The following LYPD3 variants were observed in gnomAD, a reference collection of about 807,000 sequenced individuals.
LYPD3 encodes ly6/PLAUR domain-containing protein 3.
In LYPD3, 22 loss-of-function variants were observed where a neutral mutation model predicts 21.7. The ratio of observed to expected loss-of-function variants is 1.01; its 90% CI spans 0.72 to 1.45. The LOEUF is 1.45. Ranked by LOEUF, LYPD3 falls within the 40% of genes most tolerant of loss-of-function variation. LYPD3 has a pLI of 0.00. For missense variants in LYPD3, 471 were observed against 466.9 expected, an observed-to-expected ratio of 1.01 and a Z score of -0.08; for synonymous variants, 179 against 203.0, an observed-to-expected ratio of 0.88 and a Z score of 1.00.
chr19:43,464,334 C>T lies in LYPD3; in HGVS notation c.202G>A (p.Val68Met), dbSNP rs775559474. 27 of 1,608,584 alleles carry T rather than the reference C, an allele frequency of 1.7e-5. No individual in the cohort carries two copies. Among genetic ancestry groups the T allele is most frequent in the Non-Finnish European group, 2.1e-5 (25 of 1,178,000 alleles). The change falls in exon 2 of 5, where the codon GTG (valine) becomes ATG (methionine). Residue 68 changes from valine (V) to methionine (M), a missense_variant. Val to Met is a conservative substitution (Grantham distance 21, BLOSUM62 1). Coordinates refer to ENST00000244333, the MANE Select transcript of LYPD3 (RefSeq NM_014400.3). ...VDVCTEAVGA[V>M]ETIHGQFSLA... ...GGGGGTCCCCACTCACTGGTCTCCA[C>T]CGCCCCCACGGCCTCGGTGCAGACG...
At chr19:43,463,953 A>C (rs373137375) in intron 2 of LYPD3, 184 bp from the exon 3 acceptor site, 2 of 680,860 alleles carry the variant, frequency 2.9e-6, no homozygotes, top group Non-Finnish European at 5.0e-6. Flanking sequence ...CGACCGAAGC[A>C]GGGAGGAGCG....
At chr19:43,465,439 C>T in intron 1 of LYPD3, 54 bp downstream of exon 1, 1 of 1,585,536 alleles carries the variant, frequency 6.3e-7, no homozygotes, top group Middle Eastern at 1.7e-4. Context: ...AGAGGAGCCT[C>T]CTCCCTAAGA....
chr19:43,464,092 C>G (rs986479769), intron 2 of LYPD3: 5 of 657,966 alleles, frequency 7.6e-6, no homozygotes, highest in African/African-American at 7.3e-5. Context: ...GTTCCAAACC[C>G]GAGCTCTCCC....
At position 43,461,344 on chromosome 19, in the gene LYPD3, G is replaced by C; in HGVS notation, c.*7C>G. 1.3e-6 allele frequency: 2 copies of C among 1,582,200 alleles called. No homozygotes were observed. The highest frequency in any genetic ancestry group is 2.7e-5 in the African/African-American group (2 of 73,764). On this transcript the variant is annotated 3_prime_UTR_variant, in exon 5 of 5. Transcript: ENST00000244333. ...TAGGTGAGAGGGAAATTTCCAGGTG[G>C]AGAAGCTCACAGTAGGACACCAGCA...
chr19:43,462,694 C>T (rs1970785345), intron 4 of LYPD3, among the ~76,000 whole-genome samples: 1 of 152,154 alleles, frequency 6.6e-6, no homozygotes, highest in African/African-American at 2.4e-5. Context: ...AAAAGAACTA[C>T]ATCTTCCATA....
intron 2 of LYPD3, 36 bp downstream of exon 2, chr19:43,464,289 T>G (rs754531079): frequency 1.3e-6 from 2 of 1,571,790 alleles, no homozygotes; most frequent in African/African-American, 2.7e-5. Flanking sequence ...CGGAGGAGCC[T>G]GCAGTGGTGT....
chr19:43,463,027 G>T (rs545634210), intron 4 of LYPD3, 99 bp downstream of exon 4: 71 of 1,356,832 alleles, frequency 5.2e-5, no homozygotes, highest in Non-Finnish European at 6.6e-5. Context: ...TGCGTCGCAG[G>T]TTAAGGAAAC....
chr19:43,462,858 C>T (rs2122415079), intron 4 of LYPD3, among the ~76,000 whole-genome samples: 1 of 152,270 alleles, frequency 6.6e-6, no homozygotes, highest in Middle Eastern at 3.4e-3. Context: ...GCTTAAATAC[C>T]TCTTAAGTAC....
chr19:43,464,200 A>T, intron 2 of LYPD3, 125 bp downstream of exon 2: 1 of 1,297,638 alleles, frequency 7.7e-7, no homozygotes, highest in Non-Finnish European at 1.0e-6. Flanking sequence ...GGTCCCGGCC[A>T]GGCTGAAAGG....
intron 4 of LYPD3, 101 bp downstream of exon 4, chr19:43,463,025 A>C: frequency 7.8e-7 from 1 of 1,289,648 alleles, no homozygotes; most frequent in Non-Finnish European, 1.1e-6. Context: ...AATGCGTCGC[A>C]GGTTAAGGAA....
In LYPD3 at chr19:43,461,289, T is replaced by A; in HGVS notation, c.*62A>T. 6.8e-7 allele frequency: 1 copy of A among 1,479,234 alleles called. No individual in the cohort carries two copies. The highest frequency in any genetic ancestry group is 9.0e-7 in the Non-Finnish European group (1 of 1,109,568). The allele number at this position is 1,479,234 out of a possible 1,614,324, so 91.6% of individuals were successfully genotyped here. A position where few individuals can be genotyped will look rare whatever the true frequency, so the allele number is the denominator to read the frequency against. On this transcript the variant is annotated 3_prime_UTR_variant, in exon 5 of 5. Transcript: ENST00000244333. The stretch of plus-strand genomic sequence containing the variant: ...GTCCAGTGGTGGGAACAGGAAGTGA[T>A]GAGAAGAGGGGTACCCAGGGCCAGA...
chr19:43,464,582 G>T, intron 1 of LYPD3, 126 bp from the exon 2 acceptor site: 1 of 1,258,748 alleles, frequency 7.9e-7, no homozygotes, highest in Non-Finnish European at 1.1e-6. Context: ...CTTTTCCAGG[G>T]CAGGAGTAGG....
At position 43,461,494 on chromosome 19, in the gene LYPD3, C is replaced by T. The variant is rs554745791; in HGVS notation, c.898G>A (p.Ala300Thr). 15 of 1,614,132 alleles carry T rather than the reference C, an allele frequency of 9.3e-6. No homozygotes were observed. In the African/African-American group the frequency reaches 9.3e-5, roughly 10 times the overall value. ...TTGCTGCGGTCCTGGTGGCCAGCGG[C>T]GCCTCCAGTCAACCTGGGCTCCTCA... Reference protein sequence around the residue: ...RDEEPRLTGGAAGHQDRSNSG... With the variant: ...RDEEPRLTGGTAGHQDRSNSG... Residue 300 changes from alanine to threonine, a missense_variant, in exon 5 of 5, where the codon GCC becomes ACC. Physicochemically the swap from Ala to Thr is moderately conservative, Grantham distance 58 (BLOSUM62 0). Transcript: ENST00000244333.
intron 1 of LYPD3, among the ~76,000 whole-genome samples, chr19:43,465,265 A>G (rs968735448): frequency 3.3e-5 from 5 of 152,036 alleles, no homozygotes; most frequent in Admixed American, 6.6e-5. Flanking sequence ...TCAGGATAGG[A>G]AAATTTTGCC....
chr19:43,463,401 T>A, intron 3 of LYPD3, 114 bp from the exon 4 acceptor site: 5 of 1,389,856 alleles, frequency 3.6e-6, no homozygotes, highest in Non-Finnish European at 4.9e-6. Context: ...CCCCGCCTAC[T>A]AGTAGCCCCG....
chr19:43,461,070 T>A lies in LYPD3; in HGVS notation c.*281A>T. 1 of 377,664 alleles carries A rather than the reference T, an allele frequency of 2.6e-6. No homozygotes were observed. 23.4% of individuals were successfully genotyped at this position (377,664 alleles called of 1,614,324 possible). ...CCTTCCCCGTGACAGCTGACTTCTCTCACTCTGTCCTAACATCACAAGAGG... is the reference window on the plus strand; with the variant it reads ...CCTTCCCCGTGACAGCTGACTTCTCACACTCTGTCCTAACATCACAAGAGG... On this transcript the variant is annotated 3_prime_UTR_variant, in exon 5 of 5. Transcript: ENST00000244333.
rs779567306 is a variant in LYPD3, at chr19:43,463,768, G to C, written c.213C>G (p.Ile71Met). 1.3e-5 allele frequency: 21 copies of C among 1,612,648 alleles called. No homozygotes were observed. In the African/African-American group the frequency reaches 2.5e-4, roughly 19 times the overall value. ...CTEAVGAVET[I>M]HGQFSLAVRG... ...GCACTGCCAGCGAGAATTGTCCGTG[G>C]ACTAGGGAGAGGGACAAGGGCGGGA... is the stretch of plus-strand genomic sequence containing the variant. The change falls in exon 3 of 5, where the codon ATC becomes ATG. Residue 71 changes from isoleucine (I) to methionine (M), a missense_variant and splice_region_variant. Transcript: ENST00000244333.
At chr19:43,463,869 G>A in intron 2 of LYPD3, 100 bp from the exon 3 acceptor site, 2 of 1,174,980 alleles carry the variant, frequency 1.7e-6, no homozygotes, top group South Asian at 1.3e-5. Flanking sequence ...GCCTCAAATA[G>A]GCCAACACCA....
intron 1 of LYPD3, among the ~76,000 whole-genome samples, chr19:43,465,160 C>T (rs1970811611): frequency 6.6e-6 from 1 of 152,156 alleles, no homozygotes; most frequent in Non-Finnish European, 1.5e-5. Flanking sequence ...ATCGTTTGAC[C>T]TCATGATCCG....
Sources: gnomAD v4.1 joint callset for allele counts (sites outside exome capture counted in the v4.1 genomes callset) on GRCh38, gnomAD v4.1.1 for gene constraint, MANE v1.5 for transcripts, NCBI Gene and HGNC (gene_info 2026-07-23, HGNC 2026-07-21) for gene names.